Variants in ADGRG6 observed in about 807,000 individuals in gnomAD.
The protein encoded by ADGRG6 is adhesion G protein-coupled receptor G6.
Under a neutral mutation model 142.4 loss-of-function variants are expected in ADGRG6, and 84 were observed. The observed-to-expected ratio is 0.59, with a 90% CI of 0.49 to 0.71. ADGRG6 has a LOEUF of 0.71. ADGRG6 is among the 30% of genes least tolerant of loss of function. The pLI is 0.00. For synonymous variants in ADGRG6, 521 were observed against 520.5 expected (o/e 1.00, Z -0.01); for missense variants, 1,367 against 1,466.6 (o/e 0.93, Z 1.11).
intron 22 of ADGRG6, among the ~76,000 whole-genome samples, chr6:142,436,918 G>T (rs1027049513): frequency 3.9e-5 from 6 of 152,096 alleles, no homozygotes; most frequent in Non-Finnish European, 8.8e-5. Flanking sequence ...CTGATTTGGT[G>T]CCACGTTTCA....
chr6:142,405,814 A>G lies in ADGRG6; in HGVS notation c.2254A>G (p.Thr752Ala). Reference sequence around the variant, plus strand: ...AGCACAGTTTACTTTCTTCAACAAAACTGGACTTTTCCAGGTAAGCACATT... The same window carrying G: ...AGCACAGTTTACTTTCTTCAACAAAGCTGGACTTTTCCAGGTAAGCACATT... The part of the protein sequence containing the change: ...RRAQFTFFNK[T>A]GLFQDVGPQR... Residue 752 changes from threonine to alanine, a missense_variant, in exon 15 of 25, where the codon ACT (threonine) becomes GCT (alanine). Thr to Ala is a moderately conservative substitution (Grantham distance 58, BLOSUM62 0). Around this residue, in one of 3 missense-constraint regions of ADGRG6, gnomAD observed 286 missense variants for 371.4 expected, o/e 0.77. Transcript: ENST00000367609. 2 of 1,599,572 alleles carry G rather than the reference A, an allele frequency of 1.3e-6. No individual in the cohort carries two copies. Among genetic ancestry groups the G allele is most frequent in the Non-Finnish European group, 1.7e-6 (2 of 1,173,750 alleles).
intron 4 of ADGRG6, among the ~76,000 whole-genome samples, chr6:142,380,422 G>A (rs114703405): frequency 0.017 from 2,530 of 152,232 alleles, 76 homozygotes; most frequent in African/African-American, 0.057. Context: ...CAAGGTTCTA[G>A]TGTGTGGGAT....
chr6:142,413,440 A>G (rs1353255634), intron 18 of ADGRG6, among the ~76,000 whole-genome samples: 1 of 152,216 alleles, frequency 6.6e-6, no homozygotes, highest in African/African-American at 2.4e-5. Flanking sequence ...CTATATCATA[A>G]AAGTTTTCAT....
chr6:142,354,797 A>T (rs1455029625), intron 2 of ADGRG6, among the ~76,000 whole-genome samples: 2 of 152,248 alleles, frequency 1.3e-5, no homozygotes, highest in Non-Finnish European at 2.9e-5. Flanking sequence ...TTTTATTAAA[A>T]ATTTTTTTGG....
At chr6:142,389,660 T>C (rs1456832450) in intron 6 of ADGRG6, among the ~76,000 whole-genome samples, 12 of 151,954 alleles carry the variant, frequency 7.9e-5, no homozygotes, top group Admixed American at 7.9e-4. Flanking sequence ...GTTTCTTTTT[T>C]TCCCTCTATT....
At chr6:142,394,237 A>G (rs1358937312) in intron 9 of ADGRG6, among the ~76,000 whole-genome samples, 3 of 152,172 alleles carry the variant, frequency 2.0e-5, no homozygotes, top group Non-Finnish European at 4.4e-5. Flanking sequence ...ATCATAACCC[A>G]TTGCCTCTTA....
At chr6:142,404,043 C>A in intron 14 of ADGRG6, 70 bp downstream of exon 14, 1 of 1,159,590 alleles carries the variant, frequency 8.6e-7, no homozygotes, top group Non-Finnish European at 1.3e-6. Context: ...GATCACTTAG[C>A]AGTTGCTGCT....
chr6:142,390,689 T>G (rs1199437023), intron 7 of ADGRG6, among the ~76,000 whole-genome samples: 1 of 151,870 alleles, frequency 6.6e-6, no homozygotes, highest in Non-Finnish European at 1.5e-5. Flanking sequence ...GTTTGAATGT[T>G]TGATCAAAAC....
chr6:142,324,862 A>G (rs942765562), intron 2 of ADGRG6, among the ~76,000 whole-genome samples: 2 of 152,132 alleles, frequency 1.3e-5, no homozygotes, highest in South Asian at 2.1e-4. Context: ...GATTCTGCCC[A>G]AAACTAAGAA....
chr6:142,309,816 A>C (rs761460091), intron 2 of ADGRG6, among the ~76,000 whole-genome samples, 172 bp downstream of exon 2: 2 of 148,214 alleles, frequency 1.3e-5, no homozygotes, highest in Non-Finnish European at 3.0e-5. Context: ...GTTCTCTTTG[A>C]ATTTTGTGTG....
chr6:142,423,033 G>T (rs1312222055), intron 22 of ADGRG6, among the ~76,000 whole-genome samples: 24 of 151,684 alleles, frequency 1.6e-4, no homozygotes, highest in South Asian at 1.5e-3. Flanking sequence ...TCTTGTAAAT[G>T]TGTTTGAGTT....
intron 14 of ADGRG6, 198 bp downstream of exon 14, chr6:142,404,171 A>G: frequency 1.8e-6 from 1 of 554,814 alleles, no homozygotes; most frequent in Non-Finnish European, 3.2e-6. Context: ...AATCTGGGTG[A>G]CAGGGGTGGT....
intron 20 of ADGRG6, 40 bp downstream of exon 20, chr6:142,416,104 A>G (rs768482203): frequency 1.1e-5 from 17 of 1,483,644 alleles, no homozygotes; most frequent in South Asian, 4.9e-5. Context: ...TTTTTCCCTC[A>G]TGAAAATTGC....
intron 2 of ADGRG6, among the ~76,000 whole-genome samples, chr6:142,322,689 A>G (rs948412144): frequency 4.6e-5 from 7 of 152,136 alleles, no homozygotes; most frequent in African/African-American, 1.4e-4. Flanking sequence ...TTGGCTTGTC[A>G]CCATAATAAA....
intron 14 of ADGRG6, 41 bp from the exon 15 acceptor site, chr6:142,405,647 A>C (rs982537238): frequency 6.5e-7 from 1 of 1,532,356 alleles, no homozygotes; most frequent in Admixed American, 1.7e-5. Flanking sequence ...TTACCATTCA[A>C]TTATGATTAC....
chr6:142,308,954 G>C (rs1777631728), intron 1 of ADGRG6, among the ~76,000 whole-genome samples: 1 of 151,564 alleles, frequency 6.6e-6, no homozygotes, highest in Non-Finnish European at 1.5e-5. Flanking sequence ...TATAATACCT[G>C]GTGTTCAATA....
chr6:142,318,103 T>TATATATTATATATTTATATA (rs1778253975), intron 2 of ADGRG6, among the ~76,000 whole-genome samples: 1 of 10,806 alleles, frequency 9.3e-5, no homozygotes, highest in African/African-American at 9.0e-4. Flanking sequence ...TATATATATT[T>TATATATTATATATTTATATA]ATATATATTA....
At chr6:142,315,255 T>A in intron 2 of ADGRG6, among the ~76,000 whole-genome samples, 1 of 152,156 alleles carries the variant, frequency 6.6e-6, no homozygotes, top group East Asian at 1.9e-4. Flanking sequence ...AGGAGTTTTC[T>A]TTTTATTTTC....
At chr6:142,316,362 A>G (rs1264353501) in intron 2 of ADGRG6, among the ~76,000 whole-genome samples, 3 of 152,146 alleles carry the variant, frequency 2.0e-5, no homozygotes, top group Non-Finnish European at 4.4e-5. Context: ...TTTTTCTAAT[A>G]ATGACAGAAT....
Sources: gnomAD v4.1 joint callset for allele counts (sites outside exome capture counted in the v4.1 genomes callset) on GRCh38, gnomAD v4.1.1 for gene constraint, gnomAD v4.1.1 regional missense constraint, MANE v1.5 for transcripts, NCBI Gene and HGNC (gene_info 2026-07-23, HGNC 2026-07-21) for gene names.